The following SUSD6 variants were observed in gnomAD, a reference collection of about 807,000 sequenced individuals.
SUSD6 encodes the protein sushi domain containing 6.
Under a neutral mutation model 28.4 loss-of-function variants are expected in SUSD6, and 16 were observed. The observed-to-expected ratio is 0.56, with a 90% CI of 0.38 to 0.86. The LOEUF (loss-of-function observed/expected upper bound fraction) is 0.86. SUSD6 is among the 40% of genes least tolerant of loss of function. The probability of loss-of-function intolerance (pLI) is 0.00; values close to 1 mark genes in which losing one functional copy is unlikely to be tolerated. For synonymous variants in SUSD6, 147 were observed against 159.6 expected (o/e 0.92, Z 0.59); for missense variants, 341 against 384.2 (o/e 0.89, Z 0.94).
At chr14:69,642,921 T>C (rs1190974706) in intron 1 of SUSD6, among the ~76,000 whole-genome samples, 1 of 152,176 alleles carries the variant, frequency 6.6e-6, no homozygotes, top group Non-Finnish European at 1.5e-5. Context: ...TTTGCAGCTC[T>C]CTCCTTTTCA....
intron 2 of SUSD6, among the ~76,000 whole-genome samples, chr14:69,695,537 G>A (rs897083546): frequency 1.3e-5 from 2 of 152,064 alleles, no homozygotes; most frequent in African/African-American, 2.4e-5. Context: ...CAGAGTCTAC[G>A]GGCAGTACCC....
At chr14:69,693,056 C>T (rs1255985318) in intron 2 of SUSD6, among the ~76,000 whole-genome samples, 1 of 152,238 alleles carries the variant, frequency 6.6e-6, no homozygotes, top group Non-Finnish European at 1.5e-5. Flanking sequence ...AACAGTAACA[C>T]TTGCTAATAC....
At chr14:69,674,376 G>A (rs186682688) in intron 2 of SUSD6, among the ~76,000 whole-genome samples, 2 of 152,120 alleles carry the variant, frequency 1.3e-5, no homozygotes, top group Non-Finnish European at 1.5e-5. Flanking sequence ...TCTTAACTTG[G>A]TACAGTTGTC....
At chr14:69,667,507 G>T (rs1885761875) in intron 2 of SUSD6, among the ~76,000 whole-genome samples, 1 of 151,472 alleles carries the variant, frequency 6.6e-6, no homozygotes, top group Non-Finnish European at 1.5e-5. Flanking sequence ...CTCCCGAGTA[G>T]CTGGGACTAC....
At chr14:69,627,686 G>A (rs1475251964) in intron 1 of SUSD6, among the ~76,000 whole-genome samples, 1 of 151,978 alleles carries the variant, frequency 6.6e-6, no homozygotes, top group Admixed American at 6.6e-5. Context: ...GGATGGTCTC[G>A]ATCTCCTGAC....
chr14:69,703,617 A>G (rs1049453448), intron 3 of SUSD6, 25 bp downstream of exon 3: 1 of 1,606,064 alleles, frequency 6.2e-7, no homozygotes, highest in African/African-American at 1.3e-5. Flanking sequence ...TGAAAAAGGG[A>G]TGCTGCTGGG....
chr14:69,615,995 C>A (rs925224088), intron 1 of SUSD6, among the ~76,000 whole-genome samples: 1 of 152,066 alleles, frequency 6.6e-6, no homozygotes, highest in African/African-American at 2.4e-5. Context: ...ATGTACTCCC[C>A]GCTCCTACAC....
rs374757691 is a variant in SUSD6 at position 69,672,633 on chromosome 14, A to G, written c.121+13920A>G. Among the ~76,000 whole-genome samples the G allele has an allele frequency of 1.2e-4, 19 of 152,348 alleles. No individual in the cohort carries two copies. In the East Asian group the frequency reaches 3.5e-3, roughly 28 times the overall value. On this transcript the variant is annotated intron_variant, in intron 2 of 5. Transcript: ENST00000342745. ...GAACACACTCTCCCCTCTGATGTGT[A>G]CCAGGAAGTGTCAGGGGGACCCACA...
At chr14:69,659,313 A>C (rs1885629413) in intron 2 of SUSD6, among the ~76,000 whole-genome samples, 2 of 152,198 alleles carry the variant, frequency 1.3e-5, no homozygotes, top group Non-Finnish European at 2.9e-5. Context: ...AAATGTTGTG[A>C]TCTTGGGCAA....
intron 1 of SUSD6, among the ~76,000 whole-genome samples, chr14:69,645,753 C>CT (rs764110222): frequency 0.028 from 4,014 of 145,040 alleles, 61 homozygotes; most frequent in Middle Eastern, 0.071. Flanking sequence ...CACTTTCTCA[C>CT]TTTTTTTTTT....
intron 2 of SUSD6, among the ~76,000 whole-genome samples, chr14:69,676,024 G>A (rs1885902936): frequency 2.0e-5 from 3 of 152,196 alleles, no homozygotes; most frequent in Admixed American, 2.0e-4. Context: ...AACCTATTAT[G>A]TATGCATTGG....
Position 69,658,493 on chromosome 14 carries a change from T to C in SUSD6, c.-80-20T>C. 2.3e-6 allele frequency: 3 copies of C among 1,282,310 alleles called. No individual in the cohort carries two copies. The highest frequency in any genetic ancestry group is 3.3e-6 in the Non-Finnish European group (3 of 918,586). The allele number at this position is 1,282,310 out of a possible 1,614,324, so 79.4% of individuals were successfully genotyped here. ...TTATGGCTGAAGTTTTCACTTTATG[T>C]CCTTGTTTGTTTGTTACAGGTGAAT... On this transcript the variant is annotated intron_variant, in intron 1 of 5. Transcript: ENST00000342745.
At chr14:69,706,274 C>G (rs1323401027) in intron 4 of SUSD6, among the ~76,000 whole-genome samples, 1 of 152,052 alleles carries the variant, frequency 6.6e-6, no homozygotes, top group Non-Finnish European at 1.5e-5. Context: ...GAGTTTTCCC[C>G]CCTATAGTTA....
chr14:69,687,638 A>G (rs1886092661), intron 2 of SUSD6, among the ~76,000 whole-genome samples: 2 of 152,230 alleles, frequency 1.3e-5, no homozygotes, highest in Non-Finnish European at 2.9e-5. Flanking sequence ...AAAGTTTTTA[A>G]GAAAAACTAA....
chr14:69,645,950 G>A (rs929770089), intron 1 of SUSD6, among the ~76,000 whole-genome samples: 1 of 152,040 alleles, frequency 6.6e-6, no homozygotes, highest in Non-Finnish European at 1.5e-5. Flanking sequence ...GGGTTTCACC[G>A]TGTTGGCCAG....
Position 69,638,596 on chromosome 14 carries a change from A to G in SUSD6, c.-80-19917A>G, listed in dbSNP as rs889158871. ...AGGACTTCCCCAAACTTTAACATGC[A>G]TATGAATCACCTGGGGAACCTTACT... On this transcript the variant is annotated intron_variant, in intron 1 of 5. Transcript: ENST00000342745. Among the ~76,000 whole-genome samples, 65 of 152,266 alleles carry G rather than the reference A, an allele frequency of 4.3e-4. 1 individual carries two copies. Among genetic ancestry groups the G allele is most frequent in the Non-Finnish European group, 6.9e-4 (47 of 68,010 alleles).
intron 1 of SUSD6, among the ~76,000 whole-genome samples, chr14:69,637,462 A>G (rs532020049): frequency 1.3e-5 from 2 of 152,150 alleles, no homozygotes; most frequent in Non-Finnish European, 2.9e-5. Context: ...CCCCCTAACC[A>G]GGGTCAGCAT....
At chr14:69,671,921 G>A (rs370683930) in intron 2 of SUSD6, among the ~76,000 whole-genome samples, 3 of 152,296 alleles carry the variant, frequency 2.0e-5, no homozygotes, top group East Asian at 1.9e-4. Context: ...CACCAGTAAC[G>A]CAGACCCTGG....
chr14:69,646,274 A>G (rs1437422687), intron 1 of SUSD6, among the ~76,000 whole-genome samples: 1 of 152,052 alleles, frequency 6.6e-6, no homozygotes, highest in Non-Finnish European at 1.5e-5. Context: ...GTTTCCATGT[A>G]CCTTTTGGAG....
Sources: gnomAD v4.1 joint callset for allele counts (sites outside exome capture counted in the v4.1 genomes callset) on GRCh38, gnomAD v4.1.1 for gene constraint, MANE v1.5 for transcripts, NCBI Gene and HGNC (gene_info 2026-07-23, HGNC 2026-07-21) for gene names.